Variants in ALS2CL observed in about 807,000 individuals in gnomAD.
ALS2CL encodes ALS2 C-terminal like.
Under a neutral mutation model 127.9 loss-of-function variants are expected in ALS2CL, and 112 were observed. The observed-to-expected ratio is 0.88, with a 90% CI of 0.75 to 1.02. The LOEUF (loss-of-function observed/expected upper bound fraction) is 1.02. Ranked by LOEUF, ALS2CL falls within the 50% of genes least tolerant of loss-of-function variation. ALS2CL has a pLI of 0.00. For synonymous variants in ALS2CL, 519 were observed against 527.6 expected, an observed-to-expected ratio of 0.98 and a Z score of 0.22; for missense variants, 1,174 against 1,236.7, an observed-to-expected ratio of 0.95 and a Z score of 0.76.
chr3:46,682,879 G>T (rs1299399974), intron 10 of ALS2CL, among the ~76,000 whole-genome samples: 1 of 152,244 alleles, frequency 6.6e-6, no homozygotes, highest in Non-Finnish European at 1.5e-5. Context: ...AATGGCACCT[G>T]CAGGCTGTAA....
At chr3:46,689,567 C>T (rs952031413) in intron 1 of ALS2CL, 102 bp from the exon 2 acceptor site, 1 of 714,644 alleles carries the variant, frequency 1.4e-6, no homozygotes, top group Non-Finnish European at 2.3e-6. Flanking sequence ...TGACCACCCA[C>T]ATCAGAACTG....
At chr3:46,689,523 T>C (rs1470575726) in intron 1 of ALS2CL, 58 bp from the exon 2 acceptor site, 1 of 1,203,002 alleles carries the variant, frequency 8.3e-7, no homozygotes, top group African/African-American at 1.5e-5. Flanking sequence ...CCAGTGCCCA[T>C]CCTCTCAGGC....
intron 14 of ALS2CL, chr3:46,679,789 T>A (rs1038888855): frequency 6.5e-6 from 1 of 154,718 alleles, no homozygotes; most frequent in Non-Finnish European, 1.4e-5. Flanking sequence ...CTTTCGAGAA[T>A]GAAGTAGAGC....
chr3:46,671,179 T>C, intron 25 of ALS2CL, 115 bp from the exon 26 acceptor site: 1 of 1,165,018 alleles, frequency 8.6e-7, no homozygotes. Context: ...AGGAGGCGTG[T>C]CTCCAACTCA....
At position 46,681,393 on chromosome 3, in the gene ALS2CL, T is replaced by A; in HGVS notation, c.1289A>T (p.Glu430Val). 2 of 1,605,738 alleles carry A rather than the reference T, an allele frequency of 1.2e-6. No individual in the cohort carries two copies. The highest frequency in any genetic ancestry group is 3.3e-5 in the Admixed American group (2 of 59,742). ...CTCCTGGAAGTAGCCCTTGTACACC[T>A]CGTCGGTGCTGTACCTGGGGAGGGC... Reference protein sequence around the residue: ...GYGICEYSTDEVYKGYFQEGL... With the variant: ...GYGICEYSTDVVYKGYFQEGL... Residue 430 changes from glutamate to valine, a missense_variant, in exon 13 of 26, where the codon GAG becomes GTG. Physicochemically the swap from Glu to Val is moderately radical, Grantham distance 121. Transcript: ENST00000318962. The surrounding 1 kb of genome is among the most constrained non-coding windows in gnomAD (Gnocchi z 4.9).
chr3:46,680,537 C>A lies in ALS2CL; in HGVS notation c.1441G>T (p.Glu481Ter). The change falls in exon 14 of 26, where the codon GAG (glutamate) becomes TAG (stop). Residue 481 changes from glutamate (E) to a stop codon, truncating the protein, a stop_gained. Transcript: ENST00000318962. LOFTEE classifies it high-confidence loss of function. ...GCCTGCCACATGCCAATGTAGCGCT[C>A]ACCTCTGGAAGGAGAGGAATGTGGC... is the stretch of plus-strand genomic sequence containing the variant. ...YGIEEDGDRG[E>*]RYIGMWQAGQ... The A allele has an allele frequency of 6.2e-7, 1 of 1,611,996 alleles. No homozygotes were observed. The highest frequency in any genetic ancestry group is 8.5e-7 in the Non-Finnish European group (1 of 1,179,870).
At chr3:46,676,077 T>C in intron 19 of ALS2CL, 168 bp downstream of exon 19, 1 of 1,359,794 alleles carries the variant, frequency 7.4e-7, no homozygotes, top group South Asian at 1.5e-5. Flanking sequence ...TGCTCTCACC[T>C]CCCCACCCTC....
intron 1 of ALS2CL, 120 bp downstream of exon 1, chr3:46,693,522 CG>C: frequency 6.6e-6 from 1 of 152,532 alleles, no homozygotes; most frequent in Non-Finnish European, 1.5e-5. Context: ...TGACTGCCGC[CG>C]GGACCAAGGA....
chr3:46,689,595 G>T, intron 1 of ALS2CL, 130 bp from the exon 2 acceptor site: 1 of 609,362 alleles, frequency 1.6e-6, no homozygotes, highest in Non-Finnish European at 2.8e-6. Context: ...AGCCCAGATC[G>T]CCTCAAAGGG....
chr3:46,675,757 CA>C, intron 19 of ALS2CL, 71 bp from the exon 20 acceptor site: 1 of 1,606,666 alleles, frequency 6.2e-7, no homozygotes, highest in Non-Finnish European at 8.5e-7. Flanking sequence ...CACCAGTCAA[CA>C]AAGGCAAAAG....
intron 24 of ALS2CL, 112 bp from the exon 25 acceptor site, chr3:46,671,696 G>T: frequency 6.4e-7 from 1 of 1,569,286 alleles, no homozygotes. Context: ...CCTGGGGTGT[G>T]GTCCTCACTC....
Position 46,674,714 on chromosome 3 carries a change from G to A in ALS2CL, c.2281C>T (p.Leu761=), listed in dbSNP as rs1296951860. 1.2e-6 allele frequency: 2 copies of A among 1,612,872 alleles called. No individual in the cohort carries two copies. The highest frequency in any genetic ancestry group is 1.1e-5 in the South Asian group (1 of 90,872). ...TAGAAGCTGGGCAGCATGAGGGGCA[G>A]CACCAATCCATGCACCTGGAGGTCC... The part of the protein sequence containing the change: ...TRDLQVHGLV[L]PLMLPSFYSE... Residue 761 remains leucine (L), a synonymous_variant, in exon 21 of 26, where the codon CTG becomes TTG. Coordinates refer to ENST00000318962, the MANE Select transcript of ALS2CL (RefSeq NM_147129.5).
chr3:46,675,897 G>A, intron 19 of ALS2CL: 1 of 1,435,364 alleles, frequency 7.0e-7, no homozygotes, highest in Non-Finnish European at 9.1e-7. Context: ...AGCATCTAAG[G>A]CTTCTATTTG....
At chr3:46,691,384 C>T (rs2106754538) in intron 1 of ALS2CL, among the ~76,000 whole-genome samples, 1 of 152,236 alleles carries the variant, frequency 6.6e-6, no homozygotes, top group South Asian at 2.1e-4. Context: ...TGAAAAGATA[C>T]TGCAGTAAAT....
At chr3:46,673,127 A>C (rs553116447) in intron 22 of ALS2CL, among the ~76,000 whole-genome samples, 1 of 152,366 alleles carries the variant, frequency 6.6e-6, no homozygotes, top group South Asian at 2.1e-4. Flanking sequence ...TCACACAGCC[A>C]GGTAAGAACC....
intron 2 of ALS2CL, 55 bp from the exon 3 acceptor site, chr3:46,688,351 G>A (rs1699943204): frequency 6.4e-7 from 1 of 1,551,622 alleles, no homozygotes; most frequent in Admixed American, 1.8e-5. Context: ...CCATCTCCCA[G>A]GGAACATGCA....
rs1224687938 is a variant in ALS2CL, at chr3:46,671,999, G to A, written c.2569C>T (p.Leu857=). 10 of 1,614,018 alleles carry A rather than the reference G, an allele frequency of 6.2e-6. No homozygotes were observed. The highest frequency in any genetic ancestry group is 8.5e-6 in the Non-Finnish European group (10 of 1,180,020). ...TVDPREKLEV[L]ERTYGEIEGT... ...TCAATTTCCCCGTATGTCCTCTCCAGCACCTCCAGCTTCTCCCGTGGGTCC... is the reference window on the plus strand; with the variant it reads ...TCAATTTCCCCGTATGTCCTCTCCAACACCTCCAGCTTCTCCCGTGGGTCC... The change falls in exon 24 of 26, where the codon CTG becomes TTG. Residue 857 remains leucine (L), a synonymous_variant. Coordinates refer to ENST00000318962, the MANE Select transcript of ALS2CL (RefSeq NM_147129.5).
intron 4 of ALS2CL, 59 bp from the exon 5 acceptor site, chr3:46,687,207 C>T (rs1323619796): frequency 1.4e-6 from 2 of 1,446,154 alleles, no homozygotes; most frequent in Non-Finnish European, 1.8e-6. Context: ...TGCACCCACA[C>T]CGCCACCTCC....
At position 46,681,594 on chromosome 3, in the gene ALS2CL, C is replaced by T. The variant is rs200364692; in HGVS notation, c.1180G>A (p.Gly394Ser). Reference sequence around the variant, plus strand: ...GAGGCCTGGGGCAGCAGGCGGATGCCGAAGCTGACAGCATGGTTGTGGGGG... The same window carrying T: ...GAGGCCTGGGGCAGCAGGCGGATGCTGAAGCTGACAGCATGGTTGTGGGGG... The part of the protein sequence containing the change: ...NFCQGLEHGF[G>S]IRLLPQASED... Residue 394 changes from glycine to serine, a missense_variant, in exon 12 of 26, where the codon GGC (glycine) becomes AGC (serine). Physicochemically the swap from Gly to Ser is moderately conservative, Grantham distance 56. Coordinates refer to ENST00000318962, the MANE Select transcript of ALS2CL (RefSeq NM_147129.5). This position sits in a 1 kb window ranked among gnomAD's most constrained non-coding sequence, Gnocchi z 4.9. 8.1e-6 allele frequency: 13 copies of T among 1,614,052 alleles called. No individual in the cohort carries two copies. The highest frequency in any genetic ancestry group is 1.7e-4 in the Middle Eastern group (1 of 6,060).
Sources: allele counts gnomAD v4.1 joint callset (sites outside exome capture counted in the v4.1 genomes callset), GRCh38; gene constraint gnomAD v4.1.1; non-coding constraint Gnocchi (gnomAD v3.1); transcripts MANE v1.5; gene names NCBI Gene and HGNC (gene_info 2026-07-23, HGNC 2026-07-21).